The following ADAMTS7 variants were observed in gnomAD, a reference collection of about 807,000 sequenced individuals.
The protein encoded by ADAMTS7 is ADAM metallopeptidase with thrombospondin type 1 motif 7, also known as A disintegrin and metalloproteinase with thrombospondin motifs 7.
A neutral mutation model predicts 172.6 loss-of-function variants in ADAMTS7; 89 were observed. That is an observed-to-expected ratio of 0.52 (90% CI 0.43 to 0.61). ADAMTS7 has a LOEUF of 0.61. Among genes scored for constraint, ADAMTS7 ranks in the 20% least tolerant of loss-of-function variants. The pLI, the probability that ADAMTS7 is intolerant of heterozygous loss-of-function variation, is 0.00. For missense variants in ADAMTS7, 1,973 were observed against 2,355.6 expected, an observed-to-expected ratio of 0.84 and a Z score of 3.36; for synonymous variants, 885 against 978.4, an observed-to-expected ratio of 0.90 and a Z score of 1.78.
At chr15:78,779,714 C>T (rs1459690755) in intron 8 of ADAMTS7, among the ~76,000 whole-genome samples, 2 of 152,124 alleles carry the variant, frequency 1.3e-5, no homozygotes, top group Non-Finnish European at 2.9e-5. Flanking sequence ...AGACTGGGGG[C>T]TCACCCATCC....
At position 78,767,009 on chromosome 15, in the gene ADAMTS7, G is replaced by A. The variant is rs2055167828; in HGVS notation, c.2902C>T (p.Leu968Phe). Residue 968 changes from leucine to phenylalanine, a missense_variant, in exon 19 of 24, where the codon CTC (leucine) becomes TTC (phenylalanine). By Grantham distance (22) the Leu-to-Phe change is conservative. Coordinates refer to ENST00000388820, the MANE Select transcript of ADAMTS7 (RefSeq NM_014272.5). ...GGGACACCGGTGTCATTGGTGCAGA[G>A]GACATTTCGGCGCTGAGTGCCCTCC... Reference protein sequence around the residue: ...CGEGTQRRNVLCTNDTGVPCD... With the variant: ...CGEGTQRRNVFCTNDTGVPCD... 1 of 1,584,418 alleles carries A rather than the reference G, an allele frequency of 6.3e-7. No individual in the cohort carries two copies. The highest frequency in any genetic ancestry group is 8.6e-7 in the Non-Finnish European group (1 of 1,166,958).
intron 4 of ADAMTS7, among the ~76,000 whole-genome samples, chr15:78,794,548 C>T (rs2055618964): frequency 6.6e-6 from 1 of 152,168 alleles, no homozygotes; most frequent in Admixed American, 6.5e-5. Flanking sequence ...AGTGTGAGAA[C>T]CAGTCCCACC....
At position 78,811,144 on chromosome 15, in the gene ADAMTS7, G is replaced by A; in HGVS notation, c.77C>T (p.Pro26Leu). 8.1e-7 allele frequency: 1 copy of A among 1,230,402 alleles called. No homozygotes were observed. The allele number at this position is 1,230,402 out of a possible 1,614,324, so 76.2% of individuals were successfully genotyped here. Residue 26 changes from proline (P) to leucine (L), a missense_variant, in exon 1 of 24, where the codon CCC becomes CTC. Coordinates refer to ENST00000388820, the MANE Select transcript of ADAMTS7 (RefSeq NM_014272.5). The stretch of plus-strand genomic sequence containing the variant: ...ACCTGGTGCGGGTCCGGGGGCGCCG[G>A]GAGCCAGAGCGCAGAGGAGCAGGAG... Reference protein sequence around the residue: ...PLLLLLCALAPGAPGPAPGRA... With the variant: ...PLLLLLCALALGAPGPAPGRA...
rs1004690798 is a variant in ADAMTS7 at position 78,791,242 on chromosome 15, G to C, written c.820-19C>G. 10 of 1,607,802 alleles carry C rather than the reference G, an allele frequency of 6.2e-6. No individual in the cohort carries two copies. In the African/African-American group the frequency reaches 1.3e-4, roughly 21 times the overall value. On this transcript the variant is annotated intron_variant, in intron 4 of 23. Coordinates refer to ENST00000388820, the MANE Select transcript of ADAMTS7 (RefSeq NM_014272.5). ...CAGCCACCTGCCCAAGAGATGGGGGGGTCAGGTTGTCACGAGGATGAAGGA... is the reference window on the plus strand; with the variant it reads ...CAGCCACCTGCCCAAGAGATGGGGGCGTCAGGTTGTCACGAGGATGAAGGA...
intron 8 of ADAMTS7, among the ~76,000 whole-genome samples, chr15:78,784,940 C>T (rs752162446): frequency 1.3e-5 from 2 of 151,312 alleles, no homozygotes; most frequent in African/African-American, 4.9e-5. Flanking sequence ...CAGAAAGCTG[C>T]TTGAGGATGT....
chr15:78,810,036 C>A (rs1286074413), intron 1 of ADAMTS7, among the ~76,000 whole-genome samples: 2 of 152,240 alleles, frequency 1.3e-5, no homozygotes, highest in African/African-American at 4.8e-5. Flanking sequence ...CCTCTAAGAT[C>A]AAGAGTCAAT....
intron 14 of ADAMTS7, among the ~76,000 whole-genome samples, chr15:78,772,057 C>A (rs1456115941): frequency 6.6e-6 from 1 of 152,196 alleles, no homozygotes; most frequent in Non-Finnish European, 1.5e-5. Flanking sequence ...TGGGGACCTA[C>A]ACTGGTCTCA....
At chr15:78,768,052 G>A in intron 17 of ADAMTS7, 81 bp downstream of exon 17, 1 of 1,121,432 alleles carries the variant, frequency 8.9e-7, no homozygotes. Context: ...GGGGGATGGG[G>A]TGGGGAGTTG....
At chr15:78,778,980 C>T (rs370750119) in intron 8 of ADAMTS7, among the ~76,000 whole-genome samples, 1 of 152,180 alleles carries the variant, frequency 6.6e-6, no homozygotes, top group South Asian at 2.1e-4. Flanking sequence ...CATGGACTCC[C>T]GAAGCCCTGA....
chr15:78,764,772 A>T, intron 19 of ADAMTS7, 65 bp from the exon 20 acceptor site: 1 of 1,415,634 alleles, frequency 7.1e-7, no homozygotes, highest in Non-Finnish European at 9.2e-7. Flanking sequence ...ACAGCCAGGA[A>T]ACTACCCACC....
chr15:78,790,642 G>C (rs372594291), intron 6 of ADAMTS7, 28 bp downstream of exon 6: 5 of 1,611,262 alleles, frequency 3.1e-6, no homozygotes, highest in Non-Finnish European at 4.2e-6. Flanking sequence ...CTGAGATGCA[G>C]GCTCCCACCC....
At position 78,780,613 on chromosome 15, in the gene ADAMTS7, G is replaced by A. The variant is rs201500377; in HGVS notation, c.1323-3025C>T. ...GGTCCCTTAAAGCACCTGTCAGTCC[G>A]GAAAGGTTCTTAGAGTTCTTCAGGT... On this transcript the variant is annotated intron_variant, in intron 8 of 23. Coordinates refer to ENST00000388820, the MANE Select transcript of ADAMTS7 (RefSeq NM_014272.5). Among the ~76,000 whole-genome samples, 1,382 of 151,902 alleles carry A rather than the reference G, an allele frequency of 9.1e-3. 8 individuals carry two copies. Among genetic ancestry groups the A allele is most frequent in the African/African-American group, 0.013 (554 of 41,430 alleles).
rs72747319 is a variant in ADAMTS7 at position 78,803,889 on chromosome 15, A to G, written c.101-3342T>C. The stretch of plus-strand genomic sequence containing the variant: ...GGTGCTGCTGGGATTTGCTAATAAT[A>G]TTCATAATTGAGGGAAATGCTAAAT... On this transcript the variant is annotated intron_variant, in intron 1 of 23. Transcript: ENST00000388820. Among the ~76,000 whole-genome samples the G allele has an allele frequency of 7.4e-3, 1,127 of 152,376 alleles. 11 individuals carry two copies. Among genetic ancestry groups the G allele is most frequent in the Admixed American group, 0.011 (166 of 15,300 alleles).
chr15:78,791,859 C>T (rs2055585970), intron 4 of ADAMTS7, among the ~76,000 whole-genome samples: 1 of 152,174 alleles, frequency 6.6e-6, no homozygotes, highest in Non-Finnish European at 1.5e-5. Context: ...CTACATGGGG[C>T]TCCCTACTGA....
rs1361192531 is a variant in ADAMTS7 at position 78,759,316 on chromosome 15, G to A, written c.*105C>T. On this transcript the variant is annotated 3_prime_UTR_variant, in exon 24 of 24. Coordinates refer to ENST00000388820, the MANE Select transcript of ADAMTS7 (RefSeq NM_014272.5). ...GAGGAGGTCCCCAGCCTGCTGCTGG[G>A]TAGTGAGAGGGGGTTAGCACCATTA... The A allele has an allele frequency of 1.2e-5, 13 of 1,125,804 alleles. No individual in the cohort carries two copies. Among genetic ancestry groups the A allele is most frequent in the East Asian group, 5.8e-5 (2 of 34,640 alleles). The allele number at this position is 1,125,804 out of a possible 1,614,324, so 69.7% of individuals were successfully genotyped here. A position where few individuals can be genotyped will look rare whatever the true frequency, so the allele number is the denominator to read the frequency against.
At chr15:78,806,127 CAAAAAAAAAA>C (rs1169680816) in intron 1 of ADAMTS7, among the ~76,000 whole-genome samples, 28 of 23,254 alleles carry the variant, frequency 1.2e-3, no homozygotes, top group African/African-American at 4.5e-3. Flanking sequence ...CACACACACA[CAAAAAAAAAA>C]AAAAAAAAAA....
In ADAMTS7 at chr15:78,776,338, T is replaced by C. The variant is rs572341959; in HGVS notation, c.1561-5A>G. 106 of 1,610,074 alleles carry C rather than the reference T, an allele frequency of 6.6e-5. 2 individuals are homozygous for C. The highest frequency in any genetic ancestry group is 2.3e-4 in the African/African-American group (17 of 74,868). ...GCACTCCCCACTGAGACACCACTACTGAGACAGACGGAGGTAGAGCCACCC... is the reference window on the plus strand; with the variant it reads ...GCACTCCCCACTGAGACACCACTACCGAGACAGACGGAGGTAGAGCCACCC... On this transcript the variant is annotated splice_region_variant and splice_polypyrimidine_tract_variant and intron_variant, in intron 10 of 23. Coordinates refer to ENST00000388820, the MANE Select transcript of ADAMTS7 (RefSeq NM_014272.5).
At chr15:78,810,049 C>A (rs907098682) in intron 1 of ADAMTS7, among the ~76,000 whole-genome samples, 10 of 152,252 alleles carry the variant, frequency 6.6e-5, no homozygotes, top group Non-Finnish European at 1.3e-4. Flanking sequence ...GAGTCAATGT[C>A]CCCATCCTTC....
In ADAMTS7 at chr15:78,811,349, C is replaced by G. The variant is rs1012595830; in HGVS notation, c.-129G>C. On this transcript the variant is annotated 5_prime_UTR_variant, in exon 1 of 24. Transcript: ENST00000388820. ...CGTGCAGCTCCCGGCGACCCGGCCC[C>G]GACTCCGTTCGGCTGCGCTCGGTCC... 4.5e-6 allele frequency: 5 copies of G among 1,119,826 alleles called. No homozygotes were observed. The highest frequency in any genetic ancestry group is 3.2e-5 in the African/African-American group (2 of 61,792). The allele number at this position is 1,119,826 out of a possible 1,614,324, so 69.4% of individuals were successfully genotyped here. A position where few individuals can be genotyped will look rare whatever the true frequency, so the allele number is the denominator to read the frequency against.
Sources: gnomAD v4.1 joint callset for allele counts (sites outside exome capture counted in the v4.1 genomes callset) on GRCh38, gnomAD v4.1.1 for gene constraint, MANE v1.5 for transcripts, NCBI Gene and HGNC (gene_info 2026-07-23, HGNC 2026-07-21) for gene names.